Variants in HYDIN observed in about 807,000 individuals in gnomAD.
HYDIN encodes the protein axonemal central pair apparatus protein HYDIN.
In HYDIN, 132 loss-of-function variants were observed where a neutral mutation model predicts 403.9. The observed-to-expected ratio is 0.33, with a 90% CI of 0.28 to 0.38. The LOEUF (loss-of-function observed/expected upper bound fraction) is 0.38, where lower values mean the gene tolerates loss of function less well. Among genes scored for constraint, HYDIN ranks in the 10% least tolerant of loss-of-function variants. HYDIN has a pLI of 1.00. For missense variants in HYDIN, 2,827 were observed against 5,009.5 expected, an observed-to-expected ratio of 0.56 and a Z score of 13.15; for synonymous variants, 1,202 against 1,891.7, an observed-to-expected ratio of 0.64 and a Z score of 9.46.
intron 44 of HYDIN, among the ~76,000 whole-genome samples, chr16:70,936,595 G>A (rs1195674651): frequency 2.8e-4 from 41 of 149,014 alleles, no homozygotes; most frequent in African/African-American, 8.5e-4. Flanking sequence ...GAGTGCAGTG[G>A]TGTGATCAGC....
At chr16:71,101,964 G>C (rs1357833279) in intron 10 of HYDIN, among the ~76,000 whole-genome samples, 1 of 152,022 alleles carries the variant, frequency 6.6e-6, no homozygotes, top group African/African-American at 2.4e-5. Flanking sequence ...CAACTGGATA[G>C]GAATTTTTAT....
chr16:71,201,191 C>T (rs1598016449), intron 1 of HYDIN, among the ~76,000 whole-genome samples: 2 of 152,120 alleles, frequency 1.3e-5, no homozygotes, highest in East Asian at 3.9e-4. Context: ...TCTTCCTTCC[C>T]TACCAGAGAG....
intron 29 of HYDIN, among the ~76,000 whole-genome samples, chr16:70,979,761 G>A (rs1353545808): frequency 2.0e-5 from 3 of 152,026 alleles, no homozygotes; most frequent in Non-Finnish European, 4.4e-5. Flanking sequence ...ACAAAACCCC[G>A]TCTCTACAAA....
At chr16:71,211,038 A>G (rs182248944) in intron 1 of HYDIN, among the ~76,000 whole-genome samples, 201 of 152,326 alleles carry the variant, frequency 1.3e-3, no homozygotes, top group South Asian at 2.5e-3. Context: ...ACAGAGAGAT[A>G]GAAGTCAATG....
At chr16:71,032,307 G>GT (rs11406376) in intron 18 of HYDIN, among the ~76,000 whole-genome samples, 53,304 of 125,776 alleles carry the variant, frequency 0.42, 10,792 homozygotes, top group Non-Finnish European at 0.49. Context: ...TTTCCTTTTT[G>GT]TTTTTTTTTT....
At chr16:70,974,388 T>C (rs1417133636) in intron 32 of HYDIN, 88 bp from the exon 33 acceptor site, 12 of 1,516,484 alleles carry the variant, frequency 7.9e-6, no homozygotes, top group Admixed American at 2.1e-5. Context: ...TGGGTCAGAA[T>C]GACTGCTCAG....
At chr16:71,133,060 C>T (rs1444906601) in intron 8 of HYDIN, 4 of 356,890 alleles carry the variant, frequency 1.1e-5, no homozygotes, top group Non-Finnish European at 2.2e-5. Flanking sequence ...CTACCAACAC[C>T]TTTAACAGTC....
intron 42 of HYDIN, among the ~76,000 whole-genome samples, 175 bp from the exon 43 acceptor site, chr16:70,941,994 A>T (rs994932635): frequency 6.7e-5 from 10 of 150,014 alleles, no homozygotes; most frequent in African/African-American, 2.2e-4. Flanking sequence ...AAGAATAAAA[A>T]TGTTTAATCA....
intron 10 of HYDIN, among the ~76,000 whole-genome samples, chr16:71,109,078 C>T (rs566275446): frequency 6.6e-6 from 1 of 152,216 alleles, no homozygotes; most frequent in African/African-American, 2.4e-5. Context: ...ATTCCATCTG[C>T]TGCCTTGATT....
At chr16:70,927,678 A>C (rs964346400) in intron 45 of HYDIN, among the ~76,000 whole-genome samples, 4 of 152,250 alleles carry the variant, frequency 2.6e-5, no homozygotes, top group Admixed American at 2.6e-4. Flanking sequence ...TCCTGGGCAA[A>C]GCCAAGAACC....
intron 5 of HYDIN, among the ~76,000 whole-genome samples, chr16:71,169,791 G>C (rs1388852992): frequency 4.6e-5 from 7 of 152,168 alleles, no homozygotes; most frequent in Middle Eastern, 6.8e-3. Context: ...TGCTAAGAAA[G>C]CAGATTTTAA....
chr16:71,146,045 A>G (rs2085355333), intron 7 of HYDIN, among the ~76,000 whole-genome samples: 1 of 152,250 alleles, frequency 6.6e-6, no homozygotes, highest in African/African-American at 2.4e-5. Flanking sequence ...TTGTTTATTT[A>G]TAAATTATAC....
chr16:71,126,678 C>T (rs2084475981), intron 9 of HYDIN, among the ~76,000 whole-genome samples: 1 of 152,136 alleles, frequency 6.6e-6, no homozygotes, highest in Non-Finnish European at 1.5e-5. Flanking sequence ...CTAGTGAGTC[C>T]TGCCCATTTC....
chr16:70,902,186 T>C (rs1342047875), intron 52 of HYDIN, among the ~76,000 whole-genome samples: 1 of 145,166 alleles, frequency 6.9e-6, no homozygotes, highest in Non-Finnish European at 1.5e-5. Context: ...AGATTTTCTC[T>C]TAATTTCTGC....
intron 18 of HYDIN, among the ~76,000 whole-genome samples, chr16:71,033,546 A>G (rs1043479418): frequency 5.9e-5 from 9 of 151,666 alleles, no homozygotes; most frequent in African/African-American, 2.2e-4. Context: ...ACCAAACACT[A>G]CATGTTCTCA....
intron 83 of HYDIN, among the ~76,000 whole-genome samples, chr16:70,819,780 C>G (rs896907694): frequency 3.3e-5 from 5 of 151,194 alleles, no homozygotes; most frequent in African/African-American, 1.2e-4. Context: ...TTTTTACTTT[C>G]AACTTCTTTG....
At chr16:70,849,247 T>G (rs998041350) in intron 75 of HYDIN, among the ~76,000 whole-genome samples, 4 of 152,136 alleles carry the variant, frequency 2.6e-5, no homozygotes, top group Non-Finnish European at 5.9e-5. Flanking sequence ...TTATGGGTAT[T>G]CAGCCATTTT....
intron 9 of HYDIN, among the ~76,000 whole-genome samples, chr16:71,124,535 G>C (rs112265838): frequency 0.045 from 6,803 of 150,064 alleles, 229 homozygotes; most frequent in Middle Eastern, 0.12. Flanking sequence ...ACACAACCAG[G>C]ACTAAACTAA....
At chr16:70,946,347 G>C (rs1180978977) in intron 41 of HYDIN, among the ~76,000 whole-genome samples, 1 of 146,676 alleles carries the variant, frequency 6.8e-6, no homozygotes, top group Admixed American at 6.9e-5. Flanking sequence ...TTGGAGGCTA[G>C]GAGAGTGATG....
Sources: allele counts gnomAD v4.1 joint callset (sites outside exome capture counted in the v4.1 genomes callset), GRCh38; gene constraint gnomAD v4.1.1; transcripts MANE v1.5; gene names NCBI Gene and HGNC (gene_info 2026-07-23, HGNC 2026-07-21).